Variants in SCIN observed in about 807,000 individuals in gnomAD.
SCIN encodes scinderin, also known as adseverin.
A neutral mutation model predicts 91.8 loss-of-function variants in SCIN; 91 were observed. The ratio of observed to expected loss-of-function variants is 0.99; its 90% confidence interval spans 0.84 to 1.18. The LOEUF (loss-of-function observed/expected upper bound fraction) is 1.18, where lower values mean the gene tolerates loss of function less well. Among genes scored for constraint, SCIN ranks in the 50% most tolerant of loss-of-function variants. SCIN has a pLI of 0.00. For missense variants in SCIN, 1,087 were observed against 863.9 expected (o/e 1.26, Z -3.24); for synonymous variants, 367 against 312.6 (o/e 1.17, Z -1.84).
At chr7:12,626,056 T>C (rs1338627276) in intron 7 of SCIN, 3 of 516,982 alleles carry the variant, frequency 5.8e-6, no homozygotes, top group South Asian at 3.0e-5. Flanking sequence ...AGACTTTCCA[T>C]AGAGCTGCCC....
intron 4 of SCIN, among the ~76,000 whole-genome samples, chr7:12,607,374 A>G (rs1286577675): frequency 2.6e-5 from 4 of 152,206 alleles, no homozygotes; most frequent in African/African-American, 4.8e-5. Context: ...GGGCATGTAC[A>G]TATGTGGTGT....
At chr7:12,614,055 G>C (rs1783249505) in intron 4 of SCIN, among the ~76,000 whole-genome samples, 1 of 152,188 alleles carries the variant, frequency 6.6e-6, no homozygotes, top group Non-Finnish European at 1.5e-5. Flanking sequence ...GTCTGATAGA[G>C]TGCATGTAGA....
In SCIN at chr7:12,644,130, T is replaced by C. The variant is rs1783908636; in HGVS notation, c.1582-8T>C. Reference sequence around the variant, plus strand: ...TGAATCATTGTTTTATTTTTCTTCATATTCCAGGTTGATGTTGATGCAAAT... The same window carrying C: ...TGAATCATTGTTTTATTTTTCTTCACATTCCAGGTTGATGTTGATGCAAAT... On this transcript the variant is annotated splice_polypyrimidine_tract_variant and splice_region_variant and intron_variant, in intron 11 of 15. Coordinates refer to ENST00000297029, the MANE Select transcript of SCIN (RefSeq NM_001112706.3). 2.5e-6 allele frequency: 4 copies of C among 1,608,334 alleles called. No individual in the cohort carries two copies. The highest frequency in any genetic ancestry group is 3.4e-6 in the Non-Finnish European group (4 of 1,176,442).
chr7:12,579,774 C>A (rs987457820), intron 2 of SCIN, among the ~76,000 whole-genome samples: 2 of 152,008 alleles, frequency 1.3e-5, no homozygotes, highest in Non-Finnish European at 2.9e-5. Flanking sequence ...TTTAACTGGG[C>A]GTGGTGACAT....
rs1019752840 is a variant in SCIN at position 12,625,193 on chromosome 7, C to T, written c.892+51C>T. The T allele has an allele frequency of 4.9e-6, 7 of 1,436,872 alleles. No homozygotes were observed. The African/African-American group carries it at 5.8e-5, about 12-fold the overall frequency. 89.0% of individuals were successfully genotyped at this position (1,436,872 alleles called of 1,614,324 possible). ...TATTTCAGATTTATAGATATTTCCTCTATAAGGGTAAATAAAATATATTTT... is the reference window on the plus strand; with the variant it reads ...TATTTCAGATTTATAGATATTTCCTTTATAAGGGTAAATAAAATATATTTT... On this transcript the variant is annotated intron_variant, in intron 6 of 15. Coordinates refer to ENST00000297029, the MANE Select transcript of SCIN (RefSeq NM_001112706.3).
chr7:12,572,167 T>C (rs749516783), intron 1 of SCIN, among the ~76,000 whole-genome samples: 7 of 152,186 alleles, frequency 4.6e-5, no homozygotes, highest in Admixed American at 2.6e-4. Context: ...GAACAGGCAT[T>C]TGAGAAATGA....
intron 12 of SCIN, 128 bp from the exon 13 acceptor site, chr7:12,644,456 A>T (rs1479446493): frequency 1.4e-6 from 2 of 1,456,554 alleles, no homozygotes; most frequent in African/African-American, 2.8e-5. Flanking sequence ...TGGGTGGGTG[A>T]TGGTACCTGA....
At chr7:12,621,646 T>TTTG in intron 4 of SCIN, among the ~76,000 whole-genome samples, 1 of 150,490 alleles carries the variant, frequency 6.6e-6, no homozygotes, top group South Asian at 2.1e-4. Flanking sequence ...AGTTTTTTTT[T>TTTG]TTTTTTTTTT....
intron 11 of SCIN, 50 bp from the exon 12 acceptor site, chr7:12,644,088 G>C: frequency 6.7e-7 from 1 of 1,499,428 alleles, no homozygotes; most frequent in East Asian, 2.3e-5. Flanking sequence ...TGTTTATTGA[G>C]GGAGCAGCAA....
chr7:12,636,151 C>A lies in SCIN; in HGVS notation c.1410+16C>A, dbSNP rs1583315761. On this transcript the variant is annotated intron_variant, in intron 10 of 15. Coordinates refer to ENST00000297029, the MANE Select transcript of SCIN (RefSeq NM_001112706.3). ...GGCTGTGCAGGTTGGGATATTTTTA[C>A]CCCCAAAACTCACACAAGTTAAAGT... is the stretch of plus-strand genomic sequence containing the variant. The A allele has an allele frequency of 1.6e-5, 25 of 1,586,518 alleles. No individual in the cohort carries two copies. The East Asian group carries it at 5.6e-4, about 36-fold the overall frequency.
At chr7:12,638,558 G>A (rs955400040) in intron 10 of SCIN, among the ~76,000 whole-genome samples, 4 of 152,122 alleles carry the variant, frequency 2.6e-5, no homozygotes, top group African/African-American at 9.7e-5. Context: ...ACTCTATATG[G>A]TACAAAAGGG....
Position 12,629,212 on chromosome 7 carries a change from A to C in SCIN, c.1309A>C (p.Ile437Leu). ...CTACACCTATCCCAGAGGACAGATTATCTACACGTGGTGAGTTTATACGGG... is the reference window on the plus strand; with the variant it reads ...CTACACCTATCCCAGAGGACAGATTCTCTACACGTGGTGAGTTTATACGGG... ...ILYTYPRGQIIYTWQGANATR... is the reference protein window; with the variant it reads ...ILYTYPRGQILYTWQGANATR... The change falls in exon 9 of 16, where the codon ATC becomes CTC. Residue 437 changes from isoleucine to leucine, a missense_variant. Physicochemically the swap from Ile to Leu is conservative, Grantham distance 5 (BLOSUM62 2). Coordinates refer to ENST00000297029, the MANE Select transcript of SCIN (RefSeq NM_001112706.3). 1 of 1,610,468 alleles carries C rather than the reference A, an allele frequency of 6.2e-7. No individual in the cohort carries two copies. The highest frequency in any genetic ancestry group is 8.5e-7 in the Non-Finnish European group (1 of 1,178,848).
rs1425730911 is a variant in SCIN at position 12,657,587 on chromosome 7, T to A, written c.*4872T>A. Reference sequence around the variant, plus strand: ...ATATATATATATTTTTTTTTTTTTTTTTTTTTTTTTTGCATTGGCAAAAAA... The same window carrying A: ...ATATATATATATTTTTTTTTTTTTTATTTTTTTTTTTGCATTGGCAAAAAA... On this transcript the variant is annotated 3_prime_UTR_variant, in exon 16 of 16. Coordinates refer to ENST00000297029, the MANE Select transcript of SCIN (RefSeq NM_001112706.3). 1.9e-3 allele frequency: 209 copies of A among 112,526 alleles called. 6 individuals are homozygous for A. The highest frequency in any genetic ancestry group is 8.7e-3 in the African/African-American group (202 of 23,250). 7.0% of individuals were successfully genotyped at this position (112,526 alleles called of 1,614,324 possible). A position where few individuals can be genotyped will look rare whatever the true frequency, so the allele number is the denominator to read the frequency against.
intron 2 of SCIN, among the ~76,000 whole-genome samples, chr7:12,580,169 A>G (rs1017733914): frequency 1.3e-5 from 2 of 152,082 alleles, no homozygotes; most frequent in Non-Finnish European, 2.9e-5. Context: ...CCGTACCATT[A>G]TTATTATAGA....
chr7:12,644,415 G>A, intron 12 of SCIN, 100 bp downstream of exon 12: 1 of 1,453,046 alleles, frequency 6.9e-7, no homozygotes, highest in Non-Finnish European at 9.2e-7. Flanking sequence ...TGGCTTATAA[G>A]GGTTAACAAT....
At position 12,657,923 on chromosome 7, in the gene SCIN, T is replaced by A. The variant is rs1486132274; in HGVS notation, c.*5208T>A. 6.6e-6 allele frequency: 1 copy of A among 152,146 alleles called. No individual in the cohort carries two copies. Among genetic ancestry groups the A allele is most frequent in the Admixed American group, 6.5e-5 (1 of 15,272 alleles). The allele number at this position is 152,146 out of a possible 1,614,324, so 9.4% of individuals were successfully genotyped here. A position where few individuals can be genotyped will look rare whatever the true frequency, so the allele number is the denominator to read the frequency against. On this transcript the variant is annotated 3_prime_UTR_variant, in exon 16 of 16. Coordinates refer to ENST00000297029, the MANE Select transcript of SCIN (RefSeq NM_001112706.3). Reference sequence around the variant, plus strand: ...CATATTTCCTGTTGCCTATAAAAAATTGATGCTTTAATTTAGTTAACATGA... The same window carrying A: ...CATATTTCCTGTTGCCTATAAAAAAATGATGCTTTAATTTAGTTAACATGA...
chr7:12,580,198 G>A (rs1229754451), intron 2 of SCIN, among the ~76,000 whole-genome samples: 1 of 151,854 alleles, frequency 6.6e-6, no homozygotes, highest in Non-Finnish European at 1.5e-5. Context: ...ATCTATCAGT[G>A]ACAGTTTTGT....
intron 1 of SCIN, among the ~76,000 whole-genome samples, chr7:12,577,186 C>T (rs1782389963): frequency 2.0e-5 from 3 of 152,140 alleles, no homozygotes; most frequent in African/African-American, 7.2e-5. Flanking sequence ...TTCCTTTGCT[C>T]TTCCTTTCCT....
chr7:12,591,907 G>A (rs747916311), intron 3 of SCIN, among the ~76,000 whole-genome samples: 9 of 152,142 alleles, frequency 5.9e-5, no homozygotes, highest in African/African-American at 9.7e-5. Context: ...CTTTGATAGC[G>A]AGAAAGTTTA....
Sources: allele counts gnomAD v4.1 joint callset (sites outside exome capture counted in the v4.1 genomes callset), GRCh38; gene constraint gnomAD v4.1.1; transcripts MANE v1.5; gene names NCBI Gene and HGNC (gene_info 2026-07-23, HGNC 2026-07-21).